RANBP3: variants seen among roughly 807,000 people sequenced by gnomAD.
The protein encoded by RANBP3 is RAN binding protein 3.
RANBP3 carries 14 observed loss-of-function variants against 77.3 expected under a neutral mutation model. That is an observed-to-expected ratio of 0.18 (90% CI 0.12 to 0.28). RANBP3 has a LOEUF of 0.28. Among genes scored for constraint, RANBP3 ranks in the 10% least tolerant of loss-of-function variants. The pLI is 1.00. For missense variants in RANBP3, 586 were observed against 752.3 expected (o/e 0.78, Z 2.59); for synonymous variants, 315 against 312.4 (o/e 1.01, Z -0.09).
intron 3 of RANBP3, among the ~76,000 whole-genome samples, chr19:5,948,508 C>A (rs1228713964): frequency 6.6e-6 from 1 of 151,214 alleles, no homozygotes; most frequent in African/African-American, 2.4e-5. Flanking sequence ...AAGCGGTGTA[C>A]CAGGGCCTCA....
chr19:5,929,667 G>A (rs548761252), intron 8 of RANBP3, among the ~76,000 whole-genome samples: 1 of 152,210 alleles, frequency 6.6e-6, no homozygotes, highest in Non-Finnish European at 1.5e-5. Flanking sequence ...CAACATCTAA[G>A]CCCTCCTTAG....
At chr19:5,975,292 T>C (rs957008588) in intron 1 of RANBP3, among the ~76,000 whole-genome samples, 1 of 152,072 alleles carries the variant, frequency 6.6e-6, no homozygotes, top group Non-Finnish European at 1.5e-5. Flanking sequence ...ACGTGCTAGG[T>C]GAGTGTGGCA....
intron 3 of RANBP3, among the ~76,000 whole-genome samples, chr19:5,946,176 T>C (rs1038884731): frequency 1.3e-5 from 2 of 152,174 alleles, no homozygotes; most frequent in Non-Finnish European, 2.9e-5. Context: ...TCCCAGCCCC[T>C]CTCGGGAGCT....
chr19:5,944,437 G>A (rs1319051105), intron 3 of RANBP3, among the ~76,000 whole-genome samples: 4 of 152,188 alleles, frequency 2.6e-5, no homozygotes, highest in Admixed American at 6.5e-5. Flanking sequence ...TAGCAAAGGT[G>A]ACAGAAGTAC....
chr19:5,921,859 T>C lies in RANBP3; in HGVS notation c.1210-538A>G, dbSNP rs889186150. The stretch of plus-strand genomic sequence containing the variant: ...ACACATGGTCCGCCCCTACAGCGCA[T>C]CTCACTCAGTCTTAATAAAGAACAA... On this transcript the variant is annotated intron_variant, in intron 13 of 16. Transcript: ENST00000340578. This position sits in a 1 kb window ranked among gnomAD's most constrained non-coding sequence, Gnocchi z 5.3. 2.6e-5 allele frequency among the ~76,000 whole-genome samples: 4 copies of C among 152,198 alleles called. No homozygotes were observed. The highest frequency in any genetic ancestry group is 5.9e-5 in the Non-Finnish European group (4 of 68,044).
rs943520585 is a variant in RANBP3 at position 5,924,251 on chromosome 19, C to T, written c.997-337G>A. 6.6e-6 allele frequency among the ~76,000 whole-genome samples: 1 copy of T among 152,246 alleles called. No homozygotes were observed. Among genetic ancestry groups the T allele is most frequent in the Admixed American group, 6.5e-5 (1 of 15,284 alleles). Reference sequence around the variant, plus strand: ...TAATGCAGCCTAACTCCAGACAGAGCTAGAGTGACCAGGCGGCTCAGGACA... The same window carrying T: ...TAATGCAGCCTAACTCCAGACAGAGTTAGAGTGACCAGGCGGCTCAGGACA... On this transcript the variant is annotated intron_variant, in intron 11 of 16. Transcript: ENST00000340578. The surrounding 1 kb of genome is among the most constrained non-coding windows in gnomAD (Gnocchi z 4.7).
chr19:5,957,434 A>G (rs1416200967), intron 2 of RANBP3, among the ~76,000 whole-genome samples: 1 of 152,018 alleles, frequency 6.6e-6, no homozygotes, highest in Non-Finnish European at 1.5e-5. Flanking sequence ...CAAATGAACA[A>G]TTACTCTAAA....
intron 2 of RANBP3, among the ~76,000 whole-genome samples, chr19:5,957,493 C>A (rs2058348712): frequency 6.6e-6 from 1 of 152,080 alleles, no homozygotes; most frequent in African/African-American, 2.4e-5. Context: ...GCTTAAAGGT[C>A]TTGTTTCCCC....
intron 3 of RANBP3, among the ~76,000 whole-genome samples, chr19:5,951,124 C>T (rs373602944): frequency 3.9e-5 from 6 of 152,184 alleles, no homozygotes; most frequent in African/African-American, 9.7e-5. Context: ...CCTGACCCCT[C>T]GTGTCTTTTT....
Position 5,931,437 on chromosome 19 carries a change from A to C in RANBP3, c.660T>G (p.Pro220=), listed in dbSNP as rs200736156. The part of the protein sequence containing the change: ...ASPDTAAWRS[P]SEAADEVCAL... ...CACACACCTCATCGGCAGCTTCGGA[A>C]GGACTTCTCCATGCAGCAGTGTCAG... Residue 220 remains proline, a synonymous_variant, in exon 8 of 17, where the codon CCT becomes CCG. Coordinates refer to ENST00000340578, the MANE Select transcript of RANBP3 (RefSeq NM_007322.3). 2.5e-6 allele frequency: 4 copies of C among 1,612,802 alleles called. No homozygotes were observed. Among genetic ancestry groups the C allele is most frequent in the Non-Finnish European group, 3.4e-6 (4 of 1,179,492 alleles).
At chr19:5,948,920 G>C (rs2058241770) in intron 3 of RANBP3, among the ~76,000 whole-genome samples, 1 of 152,182 alleles carries the variant, frequency 6.6e-6, no homozygotes, top group Non-Finnish European at 1.5e-5. Context: ...AACTTAATCG[G>C]GATGTGGTTT....
At chr19:5,965,409 GC>G (rs1352958136) in intron 1 of RANBP3, among the ~76,000 whole-genome samples, 1 of 152,162 alleles carries the variant, frequency 6.6e-6, no homozygotes, top group African/African-American at 2.4e-5. Context: ...TCTACAAGCA[GC>G]CTCCAGGGAC....
At chr19:5,974,019 C>A (rs1488732726) in intron 1 of RANBP3, among the ~76,000 whole-genome samples, 1 of 152,156 alleles carries the variant, frequency 6.6e-6, no homozygotes, top group African/African-American at 2.4e-5. Context: ...GGGGGCGATT[C>A]TGCAGCCTCC....
Position 5,921,664 on chromosome 19 carries a change from C to T in RANBP3, c.1210-343G>A, listed in dbSNP as rs1304039494. ...GTGCCACTGCTGTGGAAGAGTCTGG[C>T]GGCTCCTCAAACTGCTTAACAAGGA... On this transcript the variant is annotated intron_variant, in intron 13 of 16. Transcript: ENST00000340578. The surrounding 1 kb of genome is among the most constrained non-coding windows in gnomAD (Gnocchi z 5.3). 2.0e-5 allele frequency among the ~76,000 whole-genome samples: 3 copies of T among 152,220 alleles called. No individual in the cohort carries two copies. Among genetic ancestry groups the T allele is most frequent in the East Asian group, 1.9e-4 (1 of 5,198 alleles).
intron 1 of RANBP3, among the ~76,000 whole-genome samples, chr19:5,965,073 A>G (rs2058450624): frequency 2.0e-5 from 3 of 151,996 alleles, no homozygotes; most frequent in African/African-American, 7.3e-5. Context: ...GGTGGGATAC[A>G]GGCTTCCTCC....
chr19:5,923,176 G>C lies in RANBP3; in HGVS notation c.1209+18C>G, dbSNP rs1434806909. On this transcript the variant is annotated intron_variant, in intron 13 of 16. Transcript: ENST00000340578. ...GCATGGAAGACCCAGGGCCACCGAG[G>C]AGGGGCCGGCCCCTCACCTGTAACA... The C allele has an allele frequency of 1.2e-6, 2 of 1,608,478 alleles. No homozygotes were observed. Among genetic ancestry groups the C allele is most frequent in the Admixed American group, 3.3e-5 (2 of 59,990 alleles).
At chr19:5,922,665 C>T (rs181122628) in intron 13 of RANBP3, among the ~76,000 whole-genome samples, 60 of 152,218 alleles carry the variant, frequency 3.9e-4, no homozygotes, top group Admixed American at 5.2e-4. Context: ...TCGGGCTGGG[C>T]GTGGTGGCTC....
At chr19:5,961,455 G>A (rs1049335439) in intron 1 of RANBP3, among the ~76,000 whole-genome samples, 5 of 151,500 alleles carry the variant, frequency 3.3e-5, no homozygotes, top group African/African-American at 9.7e-5. Context: ...AGTGTCGGCC[G>A]GGCACAGTGG....
At chr19:5,951,985 A>G (rs1337743516) in intron 2 of RANBP3, among the ~76,000 whole-genome samples, 2 of 152,130 alleles carry the variant, frequency 1.3e-5, no homozygotes, top group Non-Finnish European at 2.9e-5. Context: ...GAAGTGGGGG[A>G]GCTGGCCATC....
Sources: allele counts gnomAD v4.1 joint callset (sites outside exome capture counted in the v4.1 genomes callset), GRCh38; gene constraint gnomAD v4.1.1; non-coding constraint Gnocchi (gnomAD v3.1); transcripts MANE v1.5; gene names NCBI Gene and HGNC (gene_info 2026-07-23, HGNC 2026-07-21).